MYOF: variants seen among roughly 807,000 people sequenced by gnomAD.
The protein encoded by MYOF is fer-1-like 3, myoferlin.
A neutral mutation model predicts 284.2 loss-of-function variants in MYOF; 244 were observed. The observed-to-expected ratio is 0.86, with a 90% CI of 0.77 to 0.95. The LOEUF (loss-of-function observed/expected upper bound fraction) is 0.95. Among genes scored for constraint, MYOF ranks in the 40% least tolerant of loss-of-function variants. The probability of loss-of-function intolerance (pLI) is 0.00; values close to 1 mark genes in which losing one functional copy is unlikely to be tolerated. For missense variants in MYOF, 2,496 were observed against 2,560.6 expected, an observed-to-expected ratio of 0.97 and a Z score of 0.54; for synonymous variants, 904 against 919.7, an observed-to-expected ratio of 0.98 and a Z score of 0.31.
chr10:93,413,996 A>C lies in MYOF; in HGVS notation c.434-4257T>G, dbSNP rs566664743. On this transcript the variant is annotated intron_variant, in intron 5 of 53. Coordinates refer to ENST00000359263, the MANE Select transcript of MYOF (RefSeq NM_013451.4). The stretch of plus-strand genomic sequence containing the variant: ...TGACAGAGCAAGGAAAGAAAAAGAA[A>C]GGTAAGAAAAAGAAAAGAAAAGAAA... Among the ~76,000 whole-genome samples, 5 of 152,270 alleles carry C rather than the reference A, an allele frequency of 3.3e-5. No homozygotes were observed. The East Asian group carries it at 9.7e-4, about 29-fold the overall frequency.
intron 32 of MYOF, among the ~76,000 whole-genome samples, 199 bp from the exon 33 acceptor site, chr10:93,352,045 C>A (rs1363718156): frequency 6.6e-6 from 1 of 152,104 alleles, no homozygotes; most frequent in African/African-American, 2.4e-5. Context: ...GAAGCGAGAC[C>A]CTGATGTGTA....
intron 3 of MYOF, among the ~76,000 whole-genome samples, chr10:93,432,285 G>T (rs1848907851): frequency 6.6e-6 from 1 of 152,024 alleles, no homozygotes; most frequent in Non-Finnish European, 1.5e-5. Flanking sequence ...CTACATGGAA[G>T]AATAAGATGG....
Position 93,387,878 on chromosome 10 carries a change from A to T in MYOF, c.1617T>A (p.Val539=). The change falls in exon 19 of 54, where the codon GTT becomes GTA. Residue 539 remains valine (V), a synonymous_variant. Transcript: ENST00000359263. ...TCTTCTCAAGAAAAGTGGCTAATTC[A>T]ACCAAGATCCTGCCTCTGTAGGCAA... ...EGVAYRGRIL[V]ELATFLEKTP... 2 of 1,614,122 alleles carry T rather than the reference A, an allele frequency of 1.2e-6. No individual in the cohort carries two copies. The highest frequency in any genetic ancestry group is 1.7e-6 in the Non-Finnish European group (2 of 1,180,022).
chr10:93,320,989 C>T (rs948195959), intron 48 of MYOF, among the ~76,000 whole-genome samples: 8 of 152,044 alleles, frequency 5.3e-5, no homozygotes, highest in African/African-American at 1.7e-4. Flanking sequence ...ATGGTCGACA[C>T]GCAGACAGAA....
chr10:93,403,092 T>A (rs141804395), intron 9 of MYOF, among the ~76,000 whole-genome samples: 1 of 152,178 alleles, frequency 6.6e-6, no homozygotes, highest in African/African-American at 2.4e-5. Flanking sequence ...TAAGTCACTA[T>A]TGAATGAATG....
intron 45 of MYOF, 98 bp from the exon 46 acceptor site, chr10:93,326,063 CA>C: frequency 1.4e-6 from 2 of 1,471,724 alleles, no homozygotes; most frequent in Non-Finnish European, 1.9e-6. Flanking sequence ...CAGACTTTGC[CA>C]AAATGGACAG....
intron 24 of MYOF, among the ~76,000 whole-genome samples, chr10:93,371,941 T>C (rs539396141): frequency 6.6e-6 from 1 of 152,354 alleles, no homozygotes; most frequent in East Asian, 1.9e-4. Context: ...GCTTTATTTA[T>C]TAATCAGTTT....
intron 5 of MYOF, among the ~76,000 whole-genome samples, chr10:93,425,087 C>T (rs191342991): frequency 2.6e-4 from 39 of 151,878 alleles, no homozygotes; most frequent in Admixed American, 7.9e-4. Flanking sequence ...TACAGGCCTT[C>T]ACCACCACAC....
At chr10:93,477,176 G>A (rs531023772) in intron 1 of MYOF, among the ~76,000 whole-genome samples, 1 of 152,310 alleles carries the variant, frequency 6.6e-6, no homozygotes, top group South Asian at 2.1e-4. Context: ...CCTAAGGCAA[G>A]ATCCAGCAAA....
intron 3 of MYOF, among the ~76,000 whole-genome samples, chr10:93,433,894 G>C (rs1020359523): frequency 6.6e-6 from 1 of 152,130 alleles, no homozygotes; most frequent in Non-Finnish European, 1.5e-5. Context: ...TAACGCTGGG[G>C]TCTGTAACCC....
intron 37 of MYOF, among the ~76,000 whole-genome samples, chr10:93,344,332 T>C (rs538543791): frequency 1.3e-5 from 2 of 152,242 alleles, no homozygotes; most frequent in South Asian, 4.1e-4. Context: ...ATTATATGGT[T>C]GTGAATTCTG....
Position 93,313,149 on chromosome 10 carries a change from T to C in MYOF, c.5760A>G (p.Arg1920=), listed in dbSNP as rs787666. 1,364,491 of 1,613,844 alleles carry C rather than the reference T, an allele frequency of 0.85. 577,592 individuals carry two copies. The highest frequency in any genetic ancestry group is 0.9 in the East Asian group (40,274 of 44,864). Residue 1920 remains arginine (R), a synonymous_variant, in exon 51 of 54, where the codon AGA becomes AGG. Transcript: ENST00000359263. ...IIPAKSPEKC[R]LDMIPDLKAM... ...CTTTGAGGTCCGGAATCATGTCCAA[T>C]CTGCATTTCTCTGGTGATTTTGCAG...
intron 16 of MYOF, among the ~76,000 whole-genome samples, chr10:93,395,180 C>T (rs1407097684): frequency 6.6e-6 from 1 of 152,170 alleles, no homozygotes; most frequent in Non-Finnish European, 1.5e-5. Context: ...CACGGTGGCT[C>T]ACGCCTGTAA....
chr10:93,428,896 T>G (rs1848715729), intron 4 of MYOF, among the ~76,000 whole-genome samples: 1 of 152,158 alleles, frequency 6.6e-6, no homozygotes, highest in Non-Finnish European at 1.5e-5. Flanking sequence ...TTTCATGCTG[T>G]GTTCTATAAC....
chr10:93,355,640 A>G lies in MYOF; in HGVS notation c.3391T>C (p.Cys1131Arg). 1 of 1,604,936 alleles carries G rather than the reference A, an allele frequency of 6.2e-7. No individual in the cohort carries two copies. Among genetic ancestry groups the G allele is most frequent in the Non-Finnish European group, 8.5e-7 (1 of 1,174,498 alleles). Residue 1131 changes from cysteine to arginine, a missense_variant, in exon 31 of 54, where the codon TGC (cysteine) becomes CGC (arginine). This residue lies in a region of MYOF where 2,436 missense variants were observed against 2,480.7 expected (regional missense o/e 0.98). Coordinates refer to ENST00000359263, the MANE Select transcript of MYOF (RefSeq NM_013451.4). ...VFGANTPIVS[C>R]NFDRVYIYHL... ...AAACAAAACTCACTGTCAAAATTGC[A>G]GGAAACAATGGGGGTGTTTGCTCCG...
At chr10:93,402,809 T>G (rs73319687) in intron 10 of MYOF, 51 bp downstream of exon 10, 1 of 1,510,766 alleles carries the variant, frequency 6.6e-7, no homozygotes, top group Non-Finnish European at 9.2e-7. Context: ...ATCTTCAGAG[T>G]TAGAAGGAAT....
chr10:93,391,117 G>T (rs17108598), intron 17 of MYOF, among the ~76,000 whole-genome samples: 7,956 of 152,272 alleles, frequency 0.052, 250 homozygotes, highest in Middle Eastern at 0.099. Flanking sequence ...GATCCCCAGG[G>T]ATTGAAACAC....
intron 49 of MYOF, among the ~76,000 whole-genome samples, chr10:93,318,726 C>A (rs555685356): frequency 6.6e-6 from 1 of 152,242 alleles, no homozygotes; most frequent in Admixed American, 6.5e-5. Flanking sequence ...CCATTGCACT[C>A]CAGCCTGGGC....
At chr10:93,320,065 A>G in intron 48 of MYOF, 52 bp from the exon 49 acceptor site, 2 of 1,605,082 alleles carry the variant, frequency 1.2e-6, no homozygotes, top group Non-Finnish European at 8.5e-7. Context: ...CAAGTCATGT[A>G]GCCGCAAAAT....
Sources: allele counts gnomAD v4.1 joint callset (sites outside exome capture counted in the v4.1 genomes callset), GRCh38; gene constraint gnomAD v4.1.1; regional missense constraint gnomAD v4.1.1; transcripts MANE v1.5; gene names NCBI Gene and HGNC (gene_info 2026-07-23, HGNC 2026-07-21).